Variants in PUS10 observed in about 807,000 individuals in gnomAD.
PUS10 encodes the protein pseudouridine synthase 10.
A neutral mutation model predicts 75.0 loss-of-function variants in PUS10; 59 were observed. The ratio of observed to expected loss-of-function variants is 0.79; its 90% CI spans 0.64 to 0.98. The LOEUF (loss-of-function observed/expected upper bound fraction) is 0.98. PUS10 is among the 50% of genes least tolerant of loss of function. The pLI is 0.00. For missense variants in PUS10, 650 were observed against 614.4 expected, an observed-to-expected ratio of 1.06 and a Z score of -0.61; for synonymous variants, 219 against 211.6, an observed-to-expected ratio of 1.03 and a Z score of -0.30.
chr2:60,961,630 G>A, intron 9 of PUS10, 82 bp from the exon 10 acceptor site: 1 of 1,166,054 alleles, frequency 8.6e-7, no homozygotes, highest in Non-Finnish European at 1.3e-6. Context: ...CATTGTCTGA[G>A]ACATACACAG....
In PUS10 at chr2:61,018,026, C is replaced by T. The variant is rs1680129712; in HGVS notation, c.-34G>A. 12 of 1,410,114 alleles carry T rather than the reference C, an allele frequency of 8.5e-6. No homozygotes were observed. In the Admixed American group the frequency reaches 2.2e-4, roughly 26 times the overall value. 87.4% of individuals were successfully genotyped at this position (1,410,114 alleles called of 1,614,324 possible). A position where few individuals can be genotyped will look rare whatever the true frequency, so the allele number is the denominator to read the frequency against. Reference sequence around the variant, plus strand: ...CGCTTACCAGTGGGGACTTTAGTGTCTCACAGCTGTTTCTGACCCGGCAGC... The same window carrying T: ...CGCTTACCAGTGGGGACTTTAGTGTTTCACAGCTGTTTCTGACCCGGCAGC... On this transcript the variant is annotated 5_prime_UTR_variant, in exon 1 of 18. Coordinates refer to ENST00000316752, the MANE Select transcript of PUS10 (RefSeq NM_144709.4).
chr2:61,016,274 ATG>A (rs1467298489), intron 1 of PUS10, among the ~76,000 whole-genome samples: 2 of 152,198 alleles, frequency 1.3e-5, no homozygotes, highest in African/African-American at 4.8e-5. Context: ...CCTCTTTTGA[ATG>A]TGTGTTAATA....
Position 60,967,585 on chromosome 2 carries a change from C to A in PUS10, c.532G>T (p.Asp178Tyr), listed in dbSNP as rs778023501. Reference sequence around the variant, plus strand: ...TAGGCTTCTTTTAGCTGAACTATATCATCTCTTCCCAGCGACAGACTCTGC... The same window carrying A: ...TAGGCTTCTTTTAGCTGAACTATATAATCTCTTCCCAGCGACAGACTCTGC... ...GKQSLSLGRD[D>Y]IVQLKEAYKW... The change falls in exon 6 of 18, where the codon GAT (aspartate) becomes TAT (tyrosine). Residue 178 changes from aspartate to tyrosine, a missense_variant. By Grantham distance (160) the Asp-to-Tyr change is radical (BLOSUM62 -3). Coordinates refer to ENST00000316752, the MANE Select transcript of PUS10 (RefSeq NM_144709.4). 1 of 1,606,952 alleles carries A rather than the reference C, an allele frequency of 6.2e-7. No individual in the cohort carries two copies. Among genetic ancestry groups the A allele is most frequent in the Non-Finnish European group, 8.5e-7 (1 of 1,176,990 alleles).
chr2:60,982,326 G>T (rs183468763), intron 4 of PUS10, among the ~76,000 whole-genome samples: 132 of 152,156 alleles, frequency 8.7e-4, no homozygotes, highest in Non-Finnish European at 1.4e-3. Flanking sequence ...GCAGTGGCAC[G>T]ATCTTGGCTT....
chr2:60,941,323 T>G lies in PUS10; in HGVS notation c.*1072A>C, dbSNP rs574629344. 322 of 152,444 alleles carry G rather than the reference T, an allele frequency of 2.1e-3. No individual in the cohort carries two copies. The highest frequency in any genetic ancestry group is 3.8e-3 in the Admixed American group (58 of 15,300). 9.4% of individuals were successfully genotyped at this position (152,444 alleles called of 1,614,324 possible). A position where few individuals can be genotyped will look rare whatever the true frequency, so the allele number is the denominator to read the frequency against. On this transcript the variant is annotated 3_prime_UTR_variant, in exon 18 of 18. Transcript: ENST00000316752. ...GATTTGGTAACTACATTCCAAAAGT[T>G]AATTATCAGTTACATGAGTTTAAAT...
At position 60,941,729 on chromosome 2, in the gene PUS10, C is replaced by T. The variant is rs1489727542; in HGVS notation, c.*666G>A. On this transcript the variant is annotated 3_prime_UTR_variant, in exon 18 of 18. Transcript: ENST00000316752. ...CTACCATGGCATGCCTTGGCTCCTA[C>T]GGTTTTACTTTCCCTCCACAGGAAA... The T allele has an allele frequency of 3.3e-5, 5 of 152,158 alleles. No individual in the cohort carries two copies. Among genetic ancestry groups the T allele is most frequent in the Non-Finnish European group, 7.4e-5 (5 of 67,982 alleles). 9.4% of individuals were successfully genotyped at this position (152,158 alleles called of 1,614,324 possible). A position where few individuals can be genotyped will look rare whatever the true frequency, so the allele number is the denominator to read the frequency against.
intron 4 of PUS10, among the ~76,000 whole-genome samples, chr2:60,977,382 T>A (rs1391043024): frequency 6.6e-6 from 1 of 152,178 alleles, no homozygotes; most frequent in Non-Finnish European, 1.5e-5. Context: ...AAGATGAAAC[T>A]GGAAAGTTCA....
At chr2:60,970,584 T>C (rs1676595526) in intron 5 of PUS10, among the ~76,000 whole-genome samples, 1 of 152,190 alleles carries the variant, frequency 6.6e-6, no homozygotes, top group Non-Finnish European at 1.5e-5. Context: ...AAACTTACTA[T>C]GAATATTCAT....
chr2:60,970,334 A>G (rs1212031221), intron 5 of PUS10, among the ~76,000 whole-genome samples: 1 of 152,196 alleles, frequency 6.6e-6, no homozygotes, highest in Non-Finnish European at 1.5e-5. Flanking sequence ...CAAAAAAGCC[A>G]AATTAATTAT....
chr2:60,957,649 C>G (rs1675763189), intron 11 of PUS10, among the ~76,000 whole-genome samples: 1 of 152,372 alleles, frequency 6.6e-6, no homozygotes, highest in Middle Eastern at 3.4e-3. Flanking sequence ...TAGGCTCTAG[C>G]CTACGCTGTG....
In PUS10 at chr2:60,962,814, A is replaced by T. The variant is rs758043859; in HGVS notation, c.788+12T>A. The T allele has an allele frequency of 1.9e-4, 301 of 1,578,282 alleles. No homozygotes were observed. Among genetic ancestry groups the T allele is most frequent in the Middle Eastern group, 5.0e-4 (3 of 5,980 alleles). ...TTTCACGATGCTTCTTTGTTTCTAAACTTCTACTTACTTAAGGAAATCCTC... is the reference window on the plus strand; with the variant it reads ...TTTCACGATGCTTCTTTGTTTCTAATCTTCTACTTACTTAAGGAAATCCTC... On this transcript the variant is annotated intron_variant, in intron 9 of 17. Transcript: ENST00000316752.
chr2:60,969,516 G>C (rs1314354915), intron 5 of PUS10, among the ~76,000 whole-genome samples: 1 of 152,168 alleles, frequency 6.6e-6, no homozygotes, highest in Non-Finnish European at 1.5e-5. Flanking sequence ...TGTCAGATAA[G>C]TGCTTATGAG....
intron 4 of PUS10, among the ~76,000 whole-genome samples, chr2:60,994,459 G>A (rs897489076): frequency 6.6e-6 from 1 of 151,728 alleles, no homozygotes; most frequent in Non-Finnish European, 1.5e-5. Flanking sequence ...GATAGGTGCT[G>A]TAATAAAATA....
intron 15 of PUS10, among the ~76,000 whole-genome samples, chr2:60,950,193 A>G (rs1210685996): frequency 6.6e-6 from 1 of 152,196 alleles, no homozygotes; most frequent in African/African-American, 2.4e-5. Context: ...GATCTAGTCC[A>G]TCTCCTCATT....
intron 1 of PUS10, 21 bp downstream of exon 1, chr2:61,017,987 A>C: frequency 2.3e-6 from 3 of 1,316,586 alleles, no homozygotes; most frequent in Non-Finnish European, 3.1e-6. Context: ...ATAGGGGCCG[A>C]GGTGGAGCTG....
chr2:60,980,577 C>G (rs1677321776), intron 4 of PUS10, among the ~76,000 whole-genome samples: 1 of 152,184 alleles, frequency 6.6e-6, no homozygotes, highest in Non-Finnish European at 1.5e-5. Context: ...GCTCACATAA[C>G]TAAATCACTT....
At chr2:61,013,290 A>C (rs2104752662) in intron 1 of PUS10, among the ~76,000 whole-genome samples, 1 of 152,112 alleles carries the variant, frequency 6.6e-6, no homozygotes, top group East Asian at 1.9e-4. Context: ...AAGATGAAGA[A>C]ATGATCTAAC....
chr2:61,014,599 T>A (rs1679847151), intron 1 of PUS10, among the ~76,000 whole-genome samples: 1 of 152,196 alleles, frequency 6.6e-6, no homozygotes, highest in African/African-American at 2.4e-5. Context: ...CAAAACAAGA[T>A]CTTCTAATTA....
intron 16 of PUS10, among the ~76,000 whole-genome samples, chr2:60,945,763 A>G (rs529310489): frequency 6.6e-6 from 1 of 152,378 alleles, no homozygotes; most frequent in Non-Finnish European, 1.5e-5. Context: ...TTTGAAATCA[A>G]TAACTAATTC....
Sources: allele counts gnomAD v4.1 joint callset (sites outside exome capture counted in the v4.1 genomes callset), GRCh38; gene constraint gnomAD v4.1.1; transcripts MANE v1.5; gene names NCBI Gene and HGNC (gene_info 2026-07-23, HGNC 2026-07-21).